Variants in MTO1 observed in about 807,000 individuals in gnomAD.
The protein encoded by MTO1 is 5-taurinomethyluridine-[tRNA] synthase subunit MTO1, mitochondrial.
Under a neutral mutation model 71.6 loss-of-function variants are expected in MTO1, and 46 were observed. That is an observed-to-expected ratio of 0.64 (90% CI 0.51 to 0.82). The LOEUF (loss-of-function observed/expected upper bound fraction) is 0.82, where lower values mean the gene tolerates loss of function less well. MTO1 is among the 40% of genes least tolerant of loss of function. MTO1 has a pLI of 0.00. For synonymous variants in MTO1, 297 were observed against 312.1 expected (o/e 0.95, Z 0.51); for missense variants, 773 against 867.5 (o/e 0.89, Z 1.37).
chr6:73,477,393 CAAAAA>C (rs34672070), intron 4 of MTO1, among the ~76,000 whole-genome samples: 2 of 73,200 alleles, frequency 2.7e-5, no homozygotes, highest in African/African-American at 5.3e-5. Flanking sequence ...GACTATGTCT[CAAAAA>C]AAAAAAAAAA....
chr6:73,494,235 T>TA (rs561028580), intron 10 of MTO1, among the ~76,000 whole-genome samples: 75 of 148,170 alleles, frequency 5.1e-4, no homozygotes, highest in Non-Finnish European at 6.9e-4. Context: ...GACTTCATCT[T>TA]AAAAAAAAAA....
Position 73,482,616 on chromosome 6 carries a change from G to C in MTO1, c.1633G>C (p.Val545Leu). 1 of 1,594,248 alleles carries C rather than the reference G, an allele frequency of 6.3e-7. No homozygotes were observed. The stretch of plus-strand genomic sequence containing the variant: ...TATAAGTACTAGTAGAAGTCTGCCT[G>C]TCAGGTATGCATTTTTAATATAGAC... ...ASISTSRSLP[V>L]RALDVLKYEE... is the part of the protein sequence containing the mutation. Residue 545 changes from valine (V) to leucine (L), a missense_variant, in exon 9 of 12, where the codon GTC (valine) becomes CTC (leucine). Val to Leu is a conservative substitution (Grantham distance 32). Coordinates refer to ENST00000498286, the MANE Select transcript of MTO1 (RefSeq NM_012123.4).
rs188776612 is a variant in MTO1, at chr6:73,493,065, G to A, written c.1756+713G>A. ...GCTGGGGTGCAGTGGCATGATCTCG[G>A]TTCACTGCAACCTCTCCCTCCCGGG... On this transcript the variant is annotated intron_variant, in intron 10 of 11. Coordinates refer to ENST00000498286, the MANE Select transcript of MTO1 (RefSeq NM_012123.4). Among the ~76,000 whole-genome samples the A allele has an allele frequency of 6.1e-3, 881 of 144,854 alleles. 2 individuals are homozygous for A. The highest frequency in any genetic ancestry group is 8.3e-3 in the Non-Finnish European group (556 of 66,852).
At chr6:73,468,122 T>C (rs111325680) in intron 3 of MTO1, among the ~76,000 whole-genome samples, 1 of 152,042 alleles carries the variant, frequency 6.6e-6, no homozygotes, top group Non-Finnish European at 1.5e-5. Context: ...CCCAGCCATC[T>C]ATTAACATTT....
intron 3 of MTO1, among the ~76,000 whole-genome samples, chr6:73,467,034 C>G (rs966394858): frequency 1.3e-5 from 2 of 152,116 alleles, no homozygotes; most frequent in Admixed American, 1.3e-4. Flanking sequence ...TTAAAAGGGT[C>G]TGGGCATGGT....
intron 11 of MTO1, among the ~76,000 whole-genome samples, chr6:73,499,959 A>G (rs1934161653): frequency 6.6e-6 from 1 of 152,224 alleles, no homozygotes; most frequent in Non-Finnish European, 1.5e-5. Context: ...CTCAAGGATT[A>G]GATATATCTT....
chr6:73,508,296 T>A lies in MTO1; in HGVS notation c.*7561T>A, dbSNP rs1030573128. On this transcript the variant is annotated 3_prime_UTR_variant, in exon 12 of 12. Transcript: ENST00000498286. Reference sequence around the variant, plus strand: ...GCTAAACAACTATTTTTTAGTCCAGTGGCTTGTAATTAAGTCATTTTTAGT... The same window carrying A: ...GCTAAACAACTATTTTTTAGTCCAGAGGCTTGTAATTAAGTCATTTTTAGT... The A allele has an allele frequency of 1.3e-5, 2 of 152,206 alleles. No homozygotes were observed. Among genetic ancestry groups the A allele is most frequent in the African/African-American group, 4.8e-5 (2 of 41,452 alleles). 9.4% of individuals were successfully genotyped at this position (152,206 alleles called of 1,614,324 possible).
chr6:73,492,966 A>ATGTGTGTGTG (rs1161293835), intron 10 of MTO1, among the ~76,000 whole-genome samples: 1 of 42,882 alleles, frequency 2.3e-5, no homozygotes, highest in African/African-American at 8.8e-5. Context: ...TATATATAAT[A>ATGTGTGTGTG]TATGTGTGTG....
chr6:73,482,601 A>G lies in MTO1; in HGVS notation c.1618A>G (p.Ser540Gly). The G allele has an allele frequency of 5.6e-6, 9 of 1,601,592 alleles. No individual in the cohort carries two copies. Among genetic ancestry groups the G allele is most frequent in the Non-Finnish European group, 7.6e-6 (9 of 1,177,258 alleles). ...KLIPEASIST[S>G]RSLPVRALDV... ...AATCCCAGAGGCTTCTATAAGTACTAGTAGAAGTCTGCCTGTCAGGTATGC... is the reference window on the plus strand; with the variant it reads ...AATCCCAGAGGCTTCTATAAGTACTGGTAGAAGTCTGCCTGTCAGGTATGC... Residue 540 changes from serine to glycine, a missense_variant, in exon 9 of 12, where the codon AGT becomes GGT. Transcript: ENST00000498286.
chr6:73,472,847 G>C (rs1431517237), intron 3 of MTO1, among the ~76,000 whole-genome samples: 1 of 152,062 alleles, frequency 6.6e-6, no homozygotes, highest in Non-Finnish European at 1.5e-5. Flanking sequence ...TTTTTTATAT[G>C]TCTGTTATAT....
intron 3 of MTO1, among the ~76,000 whole-genome samples, 163 bp downstream of exon 3, chr6:73,466,769 C>T (rs1339108131): frequency 6.6e-6 from 1 of 152,154 alleles, no homozygotes. Flanking sequence ...TTTCTCTTTT[C>T]ATCTTGGCAT....
intron 3 of MTO1, among the ~76,000 whole-genome samples, chr6:73,467,199 A>C (rs1771024259): frequency 6.6e-6 from 1 of 152,130 alleles, no homozygotes; most frequent in African/African-American, 2.4e-5. Context: ...CTGTAGTTTC[A>C]GCTACTCAAT....
At position 73,500,682 on chromosome 6, in the gene MTO1, A is replaced by G. The variant is rs765602185; in HGVS notation, c.2026A>G (p.Lys676Glu). The change falls in exon 12 of 12, where the codon AAG (lysine) becomes GAG (glutamate). Residue 676 changes from lysine to glutamate, a missense_variant. By Grantham distance (56) the Lys-to-Glu change is moderately conservative. Transcript: ENST00000498286. ...RRQSAMNESS[K>E]TDQYLCDADR... ...ACAGTCGGCTATGAATGAATCATCC[A>G]AGACTGATCAATACTTATGTGATGC... 9 of 1,612,720 alleles carry G rather than the reference A, an allele frequency of 5.6e-6. No individual in the cohort carries two copies. Among genetic ancestry groups the G allele is most frequent in the Admixed American group, 1.7e-5 (1 of 59,770 alleles).
rs111233372 is a variant in MTO1, at chr6:73,463,640, T to C, written c.217+1569T>C. On this transcript the variant is annotated intron_variant, in intron 1 of 11. Coordinates refer to ENST00000498286, the MANE Select transcript of MTO1 (RefSeq NM_012123.4). ...TTCAGCTCATAACTGTGAAGAAATATATACTATTAACTGCGGTTTTGTGGG... is the reference window on the plus strand; with the variant it reads ...TTCAGCTCATAACTGTGAAGAAATACATACTATTAACTGCGGTTTTGTGGG... Among the ~76,000 whole-genome samples the C allele has an allele frequency of 1.4e-3, 208 of 152,302 alleles. 1 individual carries two copies. Among genetic ancestry groups the C allele is most frequent in the African/African-American group, 4.6e-3 (192 of 41,558 alleles).
At chr6:73,463,579 C>A (rs1770889046) in intron 1 of MTO1, among the ~76,000 whole-genome samples, 1 of 152,106 alleles carries the variant, frequency 6.6e-6, no homozygotes, top group Non-Finnish European at 1.5e-5. Flanking sequence ...GAATAAATCA[C>A]TTATTTATTC....
Position 73,466,595 on chromosome 6 carries a change from G to A in MTO1, c.524G>A (p.Gly175Glu), listed in dbSNP as rs766199596. Residue 175 changes from glycine to glutamate, a missense_variant, in exon 3 of 12, where the codon GGG (glycine) becomes GAG (glutamate). By Grantham distance (98) the Gly-to-Glu change is moderately conservative (BLOSUM62 -2). Transcript: ENST00000498286. ...CACACTGGGAAATGCCGTGTCAGTG[G>A]GGTTGTTTTGGGTACGTATTGGTTA... The part of the protein sequence containing the change: ...PEHTGKCRVS[G>E]VVLVDGSTVY... 1 of 1,613,298 alleles carries A rather than the reference G, an allele frequency of 6.2e-7. No individual in the cohort carries two copies. Among genetic ancestry groups the A allele is most frequent in the Non-Finnish European group, 8.5e-7 (1 of 1,179,300 alleles).
rs368546349 is a variant in MTO1, at chr6:73,502,895, CAA to C, written c.*2172_*2173del. On this transcript the variant is annotated 3_prime_UTR_variant, in exon 12 of 12. Coordinates refer to ENST00000498286, the MANE Select transcript of MTO1 (RefSeq NM_012123.4). ...CTGGCAACAGAGTGAGACTCTGTCT[CAA>C]AAAAAAAAAAAGAAACAGGAAGTTC... 9.2e-5 allele frequency: 12 copies of C among 129,972 alleles called. No individual in the cohort carries two copies. Among genetic ancestry groups the C allele is most frequent in the Admixed American group, 2.4e-4 (3 of 12,742 alleles). 8.1% of individuals were successfully genotyped at this position (129,972 alleles called of 1,614,324 possible). A position where few individuals can be genotyped will look rare whatever the true frequency, so the allele number is the denominator to read the frequency against.
At chr6:73,497,252 A>G (rs1772012432) in intron 10 of MTO1, among the ~76,000 whole-genome samples, 1 of 135,950 alleles carries the variant, frequency 7.4e-6, no homozygotes, top group Non-Finnish European at 1.5e-5. Flanking sequence ...TCCGGGGTTC[A>G]AGCAATTCTC....
intron 3 of MTO1, among the ~76,000 whole-genome samples, chr6:73,468,129 A>C (rs1043199267): frequency 1.3e-5 from 2 of 150,584 alleles, no homozygotes; most frequent in African/African-American, 4.9e-5. Flanking sequence ...ATCTATTAAC[A>C]TTTTTTGAGA....
Sources: allele counts gnomAD v4.1 joint callset (sites outside exome capture counted in the v4.1 genomes callset), GRCh38; gene constraint gnomAD v4.1.1; transcripts MANE v1.5; gene names NCBI Gene and HGNC (gene_info 2026-07-23, HGNC 2026-07-21).